The following GTF2H1 variants were observed in gnomAD, a reference collection of about 807,000 sequenced individuals.
The protein encoded by GTF2H1 is general transcription factor IIH subunit 1.
GTF2H1 carries 16 observed loss-of-function variants against 71.2 expected under a neutral mutation model. That is an observed-to-expected ratio of 0.22 (90% confidence interval 0.15 to 0.34). GTF2H1 has a LOEUF of 0.34. Ranked by LOEUF, GTF2H1 falls within the 10% of genes least tolerant of loss-of-function variation. The pLI is 1.00. For synonymous variants in GTF2H1, 215 were observed against 219.0 expected, an observed-to-expected ratio of 0.98 and a Z score of 0.16; for missense variants, 498 against 648.2, an observed-to-expected ratio of 0.77 and a Z score of 2.52.
Position 18,322,738 on chromosome 11 carries a change from C to T in GTF2H1, c.-18C>T, listed in dbSNP as rs1022572552. The T allele has an allele frequency of 3.4e-5, 4 of 117,334 alleles. No individual in the cohort carries two copies. The highest frequency in any genetic ancestry group is 1.3e-4 in the African/African-American group (4 of 30,566). The allele number at this position is 117,334 out of a possible 1,614,324, so 7.3% of individuals were successfully genotyped here. On this transcript the variant is annotated splice_region_variant and 5_prime_UTR_variant, in exon 1 of 15. Coordinates refer to ENST00000265963, the MANE Select transcript of GTF2H1 (RefSeq NM_005316.4). ...TCCTGTCTAGAGTTGTAGCTTCCACCTGGTAAGTTTAGACCGAAGAATGCA... is the reference window on the plus strand; with the variant it reads ...TCCTGTCTAGAGTTGTAGCTTCCACTTGGTAAGTTTAGACCGAAGAATGCA...
chr11:18,358,673 T>G (rs773635486), intron 13 of GTF2H1, 33 bp downstream of exon 13: 1 of 1,282,218 alleles, frequency 7.8e-7, no homozygotes, highest in Non-Finnish European at 1.1e-6. Context: ...GCCAGATAAT[T>G]GTGGTAGTGA....
At chr11:18,355,742 T>C (rs1220442224) in intron 11 of GTF2H1, among the ~76,000 whole-genome samples, 1 of 151,928 alleles carries the variant, frequency 6.6e-6, no homozygotes, top group Non-Finnish European at 1.5e-5. Context: ...CTCGAACTCC[T>C]GAGCTCAAGC....
chr11:18,345,633 G>A (rs563142390), intron 7 of GTF2H1, among the ~76,000 whole-genome samples: 1 of 151,802 alleles, frequency 6.6e-6, no homozygotes, highest in African/African-American at 2.4e-5. Context: ...TGAGTAGGTG[G>A]GATCATAGGC....
At chr11:18,358,148 G>A (rs1865606418) in intron 12 of GTF2H1, 106 bp downstream of exon 12, 2 of 726,676 alleles carry the variant, frequency 2.8e-6, no homozygotes, top group Non-Finnish European at 4.8e-6. Context: ...ATAATCCTGG[G>A]ATTTCTATTT....
chr11:18,358,688 C>A lies in GTF2H1; in HGVS notation c.1467+48C>A, dbSNP rs201873416. The A allele has an allele frequency of 4.8e-4, 564 of 1,184,786 alleles. 2 individuals are homozygous for A. The African/African-American group carries it at 7.4e-3, about 16-fold the overall frequency. 73.4% of individuals were successfully genotyped at this position (1,184,786 alleles called of 1,614,324 possible). A position where few individuals can be genotyped will look rare whatever the true frequency, so the allele number is the denominator to read the frequency against. On this transcript the variant is annotated intron_variant, in intron 13 of 14. Coordinates refer to ENST00000265963, the MANE Select transcript of GTF2H1 (RefSeq NM_005316.4). ...GCCAGATAATTGTGGTAGTGACTTA[C>A]AAGAAGTTTTGAAATTGGAAAGTTT...
At chr11:18,323,320 A>G (rs1468904278) in intron 1 of GTF2H1, among the ~76,000 whole-genome samples, 1 of 152,034 alleles carries the variant, frequency 6.6e-6, no homozygotes. Context: ...TTTAAGAGAC[A>G]GAGTCTTGTT....
intron 9 of GTF2H1, 107 bp downstream of exon 9, chr11:18,348,026 T>C: frequency 2.5e-6 from 2 of 788,302 alleles, no homozygotes; most frequent in Non-Finnish European, 4.4e-6. Context: ...TTCTTCTAAC[T>C]AAGATGTTAA....
At chr11:18,349,504 G>A (rs1056744121) in intron 9 of GTF2H1, among the ~76,000 whole-genome samples, 1 of 152,078 alleles carries the variant, frequency 6.6e-6, no homozygotes, top group African/African-American at 2.4e-5. Flanking sequence ...CCAGCATGGT[G>A]AAACCCTGTC....
At chr11:18,353,667 A>T (rs1865477360) in intron 11 of GTF2H1, among the ~76,000 whole-genome samples, 1 of 152,238 alleles carries the variant, frequency 6.6e-6, no homozygotes, top group Admixed American at 6.5e-5. Flanking sequence ...ATGAGCACTG[A>T]GGCACTGAGT....
chr11:18,334,328 C>A (rs2133959264), intron 2 of GTF2H1, among the ~76,000 whole-genome samples: 1 of 152,206 alleles, frequency 6.6e-6, no homozygotes, highest in African/African-American at 2.4e-5. Flanking sequence ...TGCAGTGAGC[C>A]AAGATCGCGC....
In GTF2H1 at chr11:18,341,367, G is replaced by A; in HGVS notation, c.714G>A (p.Gly238=). Residue 238 remains glycine, a synonymous_variant, in exon 6 of 15, where the codon GGG becomes GGA. Transcript: ENST00000265963. ...HYFHRDRLNT[G]SKDLFAECAK... ...TTCACAGGGATCGGCTGAATACAGG[G>A]TCAAAGGATCTCTTTGCAGAATGTG... 3.7e-6 allele frequency: 6 copies of A among 1,613,976 alleles called. No individual in the cohort carries two copies. Among genetic ancestry groups the A allele is most frequent in the Non-Finnish European group, 5.1e-6 (6 of 1,179,924 alleles).
chr11:18,328,027 C>T (rs1864805347), intron 1 of GTF2H1, among the ~76,000 whole-genome samples: 1 of 151,408 alleles, frequency 6.6e-6, no homozygotes, highest in Middle Eastern at 3.4e-3. Context: ...CATGGTGAAA[C>T]CCCATCTCTA....
At chr11:18,328,069 G>A (rs1157182964) in intron 1 of GTF2H1, among the ~76,000 whole-genome samples, 1 of 152,078 alleles carries the variant, frequency 6.6e-6, no homozygotes, top group African/African-American at 2.4e-5. Flanking sequence ...AGCCATGGTG[G>A]CATGTGCCTC....
chr11:18,356,586 T>G (rs1865553514), intron 11 of GTF2H1, among the ~76,000 whole-genome samples: 2 of 151,816 alleles, frequency 1.3e-5, no homozygotes, highest in South Asian at 2.1e-4. Context: ...GTCTTGGGGG[T>G]GGTGGTGTTT....
chr11:18,336,327 A>G (rs1477160346), intron 3 of GTF2H1, among the ~76,000 whole-genome samples: 1 of 152,006 alleles, frequency 6.6e-6, no homozygotes, highest in African/African-American at 2.4e-5. Flanking sequence ...GGGTTTCACC[A>G]TGTTGGTCAG....
At chr11:18,361,184 C>G (rs1294343598) in intron 14 of GTF2H1, among the ~76,000 whole-genome samples, 1 of 152,066 alleles carries the variant, frequency 6.6e-6, no homozygotes, top group South Asian at 2.1e-4. Context: ...AAAATACATA[C>G]ATATTTTTTA....
chr11:18,326,817 C>G (rs1214768651), intron 1 of GTF2H1, among the ~76,000 whole-genome samples: 1 of 152,122 alleles, frequency 6.6e-6, no homozygotes, highest in East Asian at 1.9e-4. Context: ...TTGCCAACTT[C>G]CCCGTCAGAT....
chr11:18,352,224 C>T, intron 10 of GTF2H1, 105 bp from the exon 11 acceptor site: 3 of 658,030 alleles, frequency 4.6e-6, no homozygotes, highest in Admixed American at 5.0e-5. Flanking sequence ...CTTATCGTTT[C>T]TTGCCTTGAG....
chr11:18,347,857 G>T lies in GTF2H1; in HGVS notation c.991G>T (p.Glu331Ter), dbSNP rs1166010690. ...AGAAGCACAAAATGAACAAACTAGT[G>T]AGCCCAGCAACATGGATGGAAATTC... ...KQEAQNEQTSEPSNMDGNSGD... is the reference protein window; with the variant it reads ...KQEAQNEQTS The change falls in exon 9 of 15, where the codon GAG (glutamate) becomes TAG (stop). Residue 331 changes from glutamate to a stop codon, truncating the protein, a stop_gained. Coordinates refer to ENST00000265963, the MANE Select transcript of GTF2H1 (RefSeq NM_005316.4). LOFTEE classifies it high-confidence loss of function. 1 of 1,611,234 alleles carries T rather than the reference G, an allele frequency of 6.2e-7. No individual in the cohort carries two copies. The highest frequency in any genetic ancestry group is 8.5e-7 in the Non-Finnish European group (1 of 1,179,244).
Sources: allele counts gnomAD v4.1 joint callset (sites outside exome capture counted in the v4.1 genomes callset), GRCh38; gene constraint gnomAD v4.1.1; transcripts MANE v1.5; gene names NCBI Gene and HGNC (gene_info 2026-07-23, HGNC 2026-07-21).